CCDC172: variants seen among roughly 807,000 people sequenced by gnomAD.
CCDC172 encodes coiled-coil domain containing 172, also known as coiled-coil domain-containing protein 172.
A neutral mutation model predicts 38.0 loss-of-function variants in CCDC172; 30 were observed. The ratio of observed to expected loss-of-function variants is 0.79; its 90% CI spans 0.59 to 1.07. The LOEUF (loss-of-function observed/expected upper bound fraction) is 1.07, where lower values mean the gene tolerates loss of function less well. Among genes scored for constraint, CCDC172 ranks in the 50% least tolerant of loss-of-function variants. The pLI is 0.00. For synonymous variants in CCDC172, 78 were observed against 88.3 expected (o/e 0.88, Z 0.66); for missense variants, 297 against 290.1 (o/e 1.02, Z -0.17).
intron 1 of CCDC172, 137 bp from the exon 2 acceptor site, chr10:116,324,810 T>G: frequency 1.7e-6 from 1 of 586,432 alleles, no homozygotes; most frequent in Non-Finnish European, 3.0e-6. Flanking sequence ...GCGGCCAGCG[T>G]CCCTAGACCC....
intron 7 of CCDC172, among the ~76,000 whole-genome samples, chr10:116,376,508 GA>G (rs1384142398): frequency 6.6e-6 from 1 of 152,076 alleles, no homozygotes; most frequent in Non-Finnish European, 1.5e-5. Flanking sequence ...GCCAGAAATG[GA>G]AAACTTACTT....
chr10:116,374,585 C>A (rs1845223526), intron 7 of CCDC172, among the ~76,000 whole-genome samples: 1 of 151,470 alleles, frequency 6.6e-6, no homozygotes, highest in African/African-American at 2.4e-5. Flanking sequence ...ATGTAGCCCC[C>A]ATGGATAAAG....
In CCDC172 at chr10:116,364,008, A is replaced by G. The variant is rs180934795; in HGVS notation, c.653+6070A>G. On this transcript the variant is annotated intron_variant, in intron 7 of 8. Transcript: ENST00000333254. The stretch of plus-strand genomic sequence containing the variant: ...TAAAAGTCATCAAGATTAAATGGTA[A>G]ACTGGAATAAAATTATAGTCATTAT... Among the ~76,000 whole-genome samples the G allele has an allele frequency of 5.1e-3, 777 of 152,218 alleles. 4 individuals carry two copies. The highest frequency in any genetic ancestry group is 0.018 in the African/African-American group (731 of 41,538).
intron 7 of CCDC172, among the ~76,000 whole-genome samples, chr10:116,361,956 A>T (rs1845070422): frequency 6.6e-6 from 1 of 152,158 alleles, no homozygotes; most frequent in Admixed American, 6.5e-5. Flanking sequence ...TGGGAGGCCA[A>T]CGGGGGCAGA....
intron 5 of CCDC172, 152 bp from the exon 6 acceptor site, chr10:116,357,228 A>C: frequency 3.8e-6 from 2 of 525,414 alleles, no homozygotes; most frequent in Non-Finnish European, 6.5e-6. Context: ...TAATTCTTCC[A>C]ATCCATAGAC....
intron 3 of CCDC172, 46 bp from the exon 4 acceptor site, chr10:116,340,688 G>A (rs774412345): frequency 4.3e-6 from 4 of 927,546 alleles, no homozygotes; most frequent in South Asian, 2.9e-5. Flanking sequence ...ACTCTAAAAT[G>A]TCTAATTAAT....
chr10:116,329,424 T>G (rs1247597487), intron 3 of CCDC172, among the ~76,000 whole-genome samples: 1 of 152,066 alleles, frequency 6.6e-6, no homozygotes, highest in Admixed American at 6.6e-5. Context: ...CTGATTCCAT[T>G]AGCTGTTATT....
intron 7 of CCDC172, among the ~76,000 whole-genome samples, chr10:116,365,556 C>T (rs1038831059): frequency 1.3e-5 from 2 of 152,144 alleles, no homozygotes; most frequent in Non-Finnish European, 2.9e-5. Context: ...TTTCCATTTA[C>T]TCTTTAAAAA....
At position 116,359,407 on chromosome 10, in the gene CCDC172, G is replaced by A. The variant is rs192299959; in HGVS notation, c.653+1469G>A. ...ATAGTTGCATTTCTCTTAATTTGTC[G>A]GGTTTGACTTCTTAATGGAGTAGAT... On this transcript the variant is annotated intron_variant, in intron 7 of 8. Transcript: ENST00000333254. Among the ~76,000 whole-genome samples the A allele has an allele frequency of 2.0e-3, 310 of 152,174 alleles. 3 individuals are homozygous for A. Among genetic ancestry groups the A allele is most frequent in the Non-Finnish European group, 1.9e-4 (13 of 68,018 alleles).
chr10:116,356,558 CAT>C (rs1305781551), intron 5 of CCDC172, among the ~76,000 whole-genome samples: 3 of 151,998 alleles, frequency 2.0e-5, no homozygotes, highest in African/African-American at 4.8e-5. Context: ...TGCTCAGAGA[CAT>C]GTGGAACAAC....
chr10:116,377,553 A>G (rs1486754544), intron 7 of CCDC172, among the ~76,000 whole-genome samples: 1 of 152,230 alleles, frequency 6.6e-6, no homozygotes, highest in Non-Finnish European at 1.5e-5. Flanking sequence ...TCATGTTAAA[A>G]AATTCAAAAT....
chr10:116,372,240 TA>T (rs1450455430), intron 7 of CCDC172, among the ~76,000 whole-genome samples: 1 of 152,166 alleles, frequency 6.6e-6, no homozygotes, highest in Non-Finnish European at 1.5e-5. Flanking sequence ...TTTGGAAACT[TA>T]AACATTTTTA....
At chr10:116,343,541 A>G (rs1385231511) in intron 5 of CCDC172, among the ~76,000 whole-genome samples, 2 of 145,426 alleles carry the variant, frequency 1.4e-5, no homozygotes, top group African/African-American at 2.6e-5. Context: ...TTAAAAAAAT[A>G]TATATAAAAG....
At chr10:116,341,906 G>T in intron 4 of CCDC172, 130 bp from the exon 5 acceptor site, 1 of 587,860 alleles carries the variant, frequency 1.7e-6, no homozygotes. Context: ...AAACATTTTT[G>T]CCATAAAACC....
intron 5 of CCDC172, among the ~76,000 whole-genome samples, chr10:116,343,958 A>C (rs539036911): frequency 6.6e-6 from 1 of 152,282 alleles, no homozygotes; most frequent in Admixed American, 6.5e-5. Flanking sequence ...CTTTACCCTC[A>C]AGACATTTCT....
chr10:116,345,507 C>T (rs1589951834), intron 5 of CCDC172, among the ~76,000 whole-genome samples: 1 of 152,212 alleles, frequency 6.6e-6, no homozygotes, highest in East Asian at 1.9e-4. Context: ...TGAAAAGACA[C>T]TTAAGAAAAT....
rs987556034 is a variant in CCDC172 at position 116,379,611 on chromosome 10, A to G, written c.*253A>G. On this transcript the variant is annotated 3_prime_UTR_variant, in exon 9 of 9. Coordinates refer to ENST00000333254, the MANE Select transcript of CCDC172 (RefSeq NM_198515.3). ...AAAGAAGGAAAAGGAGAAGAAGTAG[A>G]TACCGTGTTCCCAGGCTTCTTATAT... The G allele has an allele frequency of 1.8e-4, 58 of 318,622 alleles. No individual in the cohort carries two copies. In the Middle Eastern group the frequency reaches 2.8e-3, roughly 15 times the overall value. The allele number at this position is 318,622 out of a possible 1,614,324, so 19.7% of individuals were successfully genotyped here.
chr10:116,341,453 CAA>C (rs1294333891), intron 4 of CCDC172, among the ~76,000 whole-genome samples: 2 of 152,070 alleles, frequency 1.3e-5, no homozygotes, highest in Admixed American at 1.3e-4. Flanking sequence ...CTAGCATTGT[CAA>C]AGAGTTTAGG....
intron 5 of CCDC172, among the ~76,000 whole-genome samples, chr10:116,354,008 T>C (rs1240496610): frequency 1.3e-5 from 2 of 152,312 alleles, no homozygotes; most frequent in South Asian, 4.1e-4. Flanking sequence ...TTAAGAGAAT[T>C]ACAAACATGT....
Sources: gnomAD v4.1 joint callset for allele counts (sites outside exome capture counted in the v4.1 genomes callset) on GRCh38, gnomAD v4.1.1 for gene constraint, MANE v1.5 for transcripts, NCBI Gene and HGNC (gene_info 2026-07-23, HGNC 2026-07-21) for gene names.